Variants in OR5V1 observed in about 807,000 individuals in gnomAD.
OR5V1 encodes the protein olfactory receptor 5V1.
For missense variants in OR5V1, 365 were observed against 371.5 expected, an observed-to-expected ratio of 0.98 and a Z score of 0.14; for synonymous variants, 134 against 143.2, an observed-to-expected ratio of 0.94 and a Z score of 0.46.
intron 1 of OR5V1, among the ~76,000 whole-genome samples, chr6:29,357,202 T>C (rs1434551353): frequency 6.6e-6 from 1 of 152,178 alleles, no homozygotes; most frequent in African/African-American, 2.4e-5. Context: ...TGTTAAGTGC[T>C]TCATATAGAA....
chr6:29,355,494 T>C lies in OR5V1; in HGVS notation c.702A>G (p.Arg234=), dbSNP rs1160603744. 6.2e-7 allele frequency: 1 copy of C among 1,613,872 alleles called. No individual in the cohort carries two copies. The highest frequency in any genetic ancestry group is 8.5e-7 in the Non-Finnish European group (1 of 1,179,924). The change falls in exon 2 of 2, where the codon AGA becomes AGG. Residue 234 remains arginine, a synonymous_variant. Transcript: ENST00000641768. ...AGGCACATGTAGAGAAGGCTTTTCG[T>C]CTTCCCTCTGAGGACTGGATCCTCA... ...TILRIQSSEG[R]RKAFSTCASH...
chr6:29,368,530 C>A, intron 1 of OR5V1, 102 bp downstream of exon 1: 1 of 152,112 alleles, frequency 6.6e-6, no homozygotes, highest in East Asian at 1.9e-4. Flanking sequence ...ACACTTCCAT[C>A]TCCTACACAG....
chr6:29,356,885 T>C (rs966189835), intron 1 of OR5V1, among the ~76,000 whole-genome samples: 4 of 152,172 alleles, frequency 2.6e-5, no homozygotes, highest in South Asian at 2.1e-4. Flanking sequence ...CAATACATTT[T>C]ATGCTAAAAC....
rs546297057 is a variant in OR5V1, at chr6:29,360,616, G to A, written c.-82-4339C>T. On this transcript the variant is annotated intron_variant, in intron 1 of 1. Coordinates refer to ENST00000641768, the MANE Select transcript of OR5V1 (RefSeq NM_030876.6). Reference sequence around the variant, plus strand: ...TAGTTGCCGTTCTGCAGCCTCCACCGGTGATACTCAGGCAAATAGGGTCTG... The same window carrying A: ...TAGTTGCCGTTCTGCAGCCTCCACCAGTGATACTCAGGCAAATAGGGTCTG... Among the ~76,000 whole-genome samples, 6 of 152,284 alleles carry A rather than the reference G, an allele frequency of 3.9e-5. No homozygotes were observed. The East Asian group carries it at 7.7e-4, about 20-fold the overall frequency.
rs1054975142 is a variant in OR5V1, at chr6:29,368,811, C to A, written c.-262G>T. ...CAAGACTCTACTCAGTCCCTGAAGG[C>A]CAGTGCATGGGACTGGAGTGAGTAA... On this transcript the variant is annotated 5_prime_UTR_variant, in exon 1 of 2. Coordinates refer to ENST00000641768, the MANE Select transcript of OR5V1 (RefSeq NM_030876.6). The A allele has an allele frequency of 1.3e-5, 2 of 152,068 alleles. No homozygotes were observed. Among genetic ancestry groups the A allele is most frequent in the Non-Finnish European group, 2.9e-5 (2 of 68,014 alleles). 9.4% of individuals were successfully genotyped at this position (152,068 alleles called of 1,614,324 possible).
In OR5V1 at chr6:29,355,062, A is replaced by C. The variant is rs974979945; in HGVS notation, c.*168T>G. The C allele has an allele frequency of 1.5e-5, 8 of 523,006 alleles. No homozygotes were observed. The highest frequency in any genetic ancestry group is 2.5e-5 in the Non-Finnish European group (8 of 314,614). The allele number at this position is 523,006 out of a possible 1,614,324, so 32.4% of individuals were successfully genotyped here. A position where few individuals can be genotyped will look rare whatever the true frequency, so the allele number is the denominator to read the frequency against. Reference sequence around the variant, plus strand: ...AATATCTAAAGAGAGCAACATTGATATCTCTCATAGAACTAACTAAAGCTC... The same window carrying C: ...AATATCTAAAGAGAGCAACATTGATCTCTCTCATAGAACTAACTAAAGCTC... On this transcript the variant is annotated 3_prime_UTR_variant, in exon 2 of 2. Coordinates refer to ENST00000641768, the MANE Select transcript of OR5V1 (RefSeq NM_030876.6).
At position 29,356,159 on chromosome 6, in the gene OR5V1, T is replaced by C. The variant is rs1340960844; in HGVS notation, c.37A>G (p.Ile13Val). 6.2e-7 allele frequency: 1 copy of C among 1,602,946 alleles called. No individual in the cohort carries two copies. The highest frequency in any genetic ancestry group is 8.5e-7 in the Non-Finnish European group (1 of 1,175,874). ...TTTAGGTTGGAGAATCCCAAGATGATGAATTCAGTTATAGCTGTTTGATTC... is the reference window on the plus strand; with the variant it reads ...TTTAGGTTGGAGAATCCCAAGATGACGAATTCAGTTATAGCTGTTTGATTC... The part of the protein sequence containing the change: ...RKNQTAITEF[I>V]ILGFSNLNEL... The change falls in exon 2 of 2, where the codon ATC becomes GTC. Residue 13 changes from isoleucine to valine, a missense_variant. By Grantham distance (29) the Ile-to-Val change is conservative. Transcript: ENST00000641768.
At chr6:29,357,185 A>C (rs542863999) in intron 1 of OR5V1, among the ~76,000 whole-genome samples, 1 of 152,290 alleles carries the variant, frequency 6.6e-6, no homozygotes, top group South Asian at 2.1e-4. Flanking sequence ...CTGTTTCAAC[A>C]AATTATTGTT....
intron 1 of OR5V1, among the ~76,000 whole-genome samples, chr6:29,356,590 C>A (rs1778320308): frequency 6.6e-6 from 1 of 152,118 alleles, no homozygotes; most frequent in Non-Finnish European, 1.5e-5. Flanking sequence ...CTCTGGTATT[C>A]ATTTGCTTCT....
At chr6:29,367,863 C>T (rs1167081004) in intron 1 of OR5V1, among the ~76,000 whole-genome samples, 3 of 152,256 alleles carry the variant, frequency 2.0e-5, no homozygotes, top group African/African-American at 7.2e-5. Flanking sequence ...CAGCCATGGT[C>T]TTGACTCCTT....
At chr6:29,368,361 T>C (rs1032898563) in intron 1 of OR5V1, among the ~76,000 whole-genome samples, 5 of 152,106 alleles carry the variant, frequency 3.3e-5, no homozygotes, top group Non-Finnish European at 7.4e-5. Flanking sequence ...CTTTATTTAA[T>C]AAAAAATCGG....
chr6:29,367,139 T>C (rs1562936191), intron 1 of OR5V1, among the ~76,000 whole-genome samples: 3 of 142,334 alleles, frequency 2.1e-5, no homozygotes, highest in Non-Finnish European at 4.6e-5. Context: ...ATTTTAGTCA[T>C]TTTTTTATCC....
At chr6:29,359,731 CT>C (rs1218254321) in intron 1 of OR5V1, among the ~76,000 whole-genome samples, 1 of 152,210 alleles carries the variant, frequency 6.6e-6, no homozygotes, top group Non-Finnish European at 1.5e-5. Context: ...CTGTGAGGGA[CT>C]GTGCTATTCA....
rs764738633 is a variant in OR5V1, at chr6:29,355,537, CA to C, written c.658del (p.Cys220AlafsTer2). 275 of 1,613,830 alleles carry C rather than the reference CA, an allele frequency of 1.7e-4. No homozygotes were observed. The highest frequency in any genetic ancestry group is 2.3e-4 in the Non-Finnish European group (268 of 1,179,922). On this transcript the variant is annotated frameshift_variant, in exon 2 of 2. Coordinates refer to ENST00000641768, the MANE Select transcript of OR5V1 (RefSeq NM_030876.6). LOFTEE classifies it low-confidence loss of function (END_TRUNC). ...PFLCIVLSYICIISTILRIQS... is the reference protein window; with the variant it reads ...PFLCIVLSYIXIISTILRIQS... Reference sequence around the variant, plus strand: ...GATCCTCAAGATGGTGGAGATTATGCAAATGTAGGAAAGTACGATACAAAGG... The same window carrying C: ...GATCCTCAAGATGGTGGAGATTATGCAATGTAGGAAAGTACGATACAAAGG...
chr6:29,357,085 G>A (rs921416916), intron 1 of OR5V1, among the ~76,000 whole-genome samples: 3 of 152,134 alleles, frequency 2.0e-5, no homozygotes, highest in Non-Finnish European at 2.9e-5. Context: ...AACTTTCCAA[G>A]AGACTTATCC....
Position 29,355,325 on chromosome 6 carries a change from T to C in OR5V1, c.871A>G (p.Thr291Ala), listed in dbSNP as rs899104051. 5.6e-6 allele frequency: 9 copies of C among 1,613,822 alleles called. No homozygotes were observed. The Admixed American group carries it at 1.5e-4, about 27-fold the overall frequency. Residue 291 changes from threonine to alanine, a missense_variant, in exon 2 of 2, where the codon ACA (threonine) becomes GCA (alanine). By Grantham distance (58) the Thr-to-Ala change is moderately conservative. Coordinates refer to ENST00000641768, the MANE Select transcript of OR5V1 (RefSeq NM_030876.6). ...TCTTTGATGTCCTTATTCCTCAATG[T>C]GTAAATTATAGGGTTTAGCATGGGG... ...VTPMLNPIIY[T>A]LRNKDIKEAV...
rs9280595 is a variant in OR5V1, at chr6:29,364,797, C to CAAAAAAAAAAAA, written c.-83+3823_-83+3834dup. On this transcript the variant is annotated intron_variant, in intron 1 of 1. Transcript: ENST00000641768. ...TGGGCGACAGAGCGAGACTCCGTCTCAAAAAAAAAAAAAAAAAAAAAAAAA... is the reference window on the plus strand; with the variant it reads ...TGGGCGACAGAGCGAGACTCCGTCTCAAAAAAAAAAAAAAAAAAAAAAAAAAAAAAAAAAAAA... 9.3e-3 allele frequency among the ~76,000 whole-genome samples: 30 copies of CAAAAAAAAAAAA among 3,228 alleles called. 1 individual carries two copies. Among genetic ancestry groups the CAAAAAAAAAAAA allele is most frequent in the African/African-American group, 0.021 (26 of 1,234 alleles). The allele number at this position is 3,228 out of a possible 152,430, so 2.1% of individuals were successfully genotyped here. A position where few individuals can be genotyped will look rare whatever the true frequency, so the allele number is the denominator to read the frequency against.
At position 29,355,195 on chromosome 6, in the gene OR5V1, A is replaced by T; in HGVS notation, c.*35T>A. On this transcript the variant is annotated 3_prime_UTR_variant, in exon 2 of 2. Transcript: ENST00000641768. Reference sequence around the variant, plus strand: ...AAAACAGCTGACTGGTGAAAAAGTTAATTTTGTAGTATAAGATTATTGAAC... The same window carrying T: ...AAAACAGCTGACTGGTGAAAAAGTTTATTTTGTAGTATAAGATTATTGAAC... 6.5e-7 allele frequency: 1 copy of T among 1,527,864 alleles called. No homozygotes were observed. The highest frequency in any genetic ancestry group is 8.7e-7 in the Non-Finnish European group (1 of 1,143,136). The allele number at this position is 1,527,864 out of a possible 1,614,324, so 94.6% of individuals were successfully genotyped here.
intron 1 of OR5V1, among the ~76,000 whole-genome samples, chr6:29,367,750 T>C (rs1778921770): frequency 6.6e-6 from 1 of 152,194 alleles, no homozygotes; most frequent in Non-Finnish European, 1.5e-5. Context: ...TGGGTCATTG[T>C]TGCCTCTCAT....
Sources: gnomAD v4.1 joint callset for allele counts (sites outside exome capture counted in the v4.1 genomes callset) on GRCh38, gnomAD v4.1.1 for gene constraint, MANE v1.5 for transcripts, NCBI Gene and HGNC (gene_info 2026-07-23, HGNC 2026-07-21) for gene names.